CFAP92: variants seen among roughly 807,000 people sequenced by gnomAD.
The protein encoded by CFAP92 is uncharacterized protein CFAP92.
Under a neutral mutation model 106.3 loss-of-function variants are expected in CFAP92, and 86 were observed. The ratio of observed to expected loss-of-function variants is 0.81; its 90% confidence interval spans 0.68 to 0.97. The LOEUF is 0.97. Ranked by LOEUF, CFAP92 falls within the 50% of genes least tolerant of loss-of-function variation. CFAP92 has a pLI of 0.00. For missense variants in CFAP92, 1,204 were observed against 1,283.8 expected (o/e 0.94, Z 0.95); for synonymous variants, 477 against 506.4 (o/e 0.94, Z 0.78).
chr3:128,941,162 A>C (rs953441714), intron 10 of CFAP92, among the ~76,000 whole-genome samples: 2 of 152,154 alleles, frequency 1.3e-5, no homozygotes, highest in Non-Finnish European at 2.9e-5. Context: ...TGAATTTCAT[A>C]CATTTTACTT....
intron 9 of CFAP92, among the ~76,000 whole-genome samples, chr3:128,964,874 C>G (rs1325369546): frequency 2.6e-5 from 4 of 152,142 alleles, no homozygotes; most frequent in Non-Finnish European, 4.4e-5. Context: ...CGTTCTCTCT[C>G]CACACCACCC....
intron 7 of CFAP92, among the ~76,000 whole-genome samples, chr3:128,972,046 G>A (rs1470740593): frequency 6.6e-6 from 1 of 152,192 alleles, no homozygotes; most frequent in South Asian, 2.1e-4. Flanking sequence ...ACACATAGGG[G>A]AACCTAACAG....
At chr3:128,956,725 A>AC (rs1941454561) in intron 9 of CFAP92, among the ~76,000 whole-genome samples, 1 of 152,076 alleles carries the variant, frequency 6.6e-6, no homozygotes, top group Non-Finnish European at 1.5e-5. Context: ...CACACCTGTA[A>AC]CCCCAGCACT....
intron 9 of CFAP92, among the ~76,000 whole-genome samples, chr3:128,962,063 C>T (rs1191738799): frequency 6.6e-6 from 1 of 152,196 alleles, no homozygotes; most frequent in Non-Finnish European, 1.5e-5. Context: ...CTGTGCGGGA[C>T]CCCACTGGAA....
At chr3:128,997,596 C>T (rs191557515), upstream of CFAP92, among the ~76,000 whole-genome samples, 234 of 152,282 alleles carry the variant, frequency 1.5e-3, no homozygotes, top group Non-Finnish European at 2.7e-3. Context: ...TTTCACCTAC[C>T]GTTATGTTTC....
intron 3 of CFAP92, 58 bp from the exon 4 acceptor site, chr3:128,987,887 G>T: frequency 6.9e-7 from 1 of 1,455,442 alleles, no homozygotes; most frequent in South Asian, 1.2e-5. Flanking sequence ...AGGCCGTGGC[G>T]AACAGAGCAA....
Position 128,945,539 on chromosome 3 carries a change from C to A in CFAP92, c.1790G>T (p.Gly597Val). 2 of 1,536,168 alleles carry A rather than the reference C, an allele frequency of 1.3e-6. No individual in the cohort carries two copies. The highest frequency in any genetic ancestry group is 1.7e-6 in the Non-Finnish European group (2 of 1,146,928). The change falls in exon 10 of 16, where the codon GGC (glycine) becomes GTC (valine). Residue 597 changes from glycine (G) to valine (V), a missense_variant. Coordinates refer to ENST00000645291, the MANE Select transcript of CFAP92 (RefSeq NM_001394090.1). The part of the protein sequence containing the change: ...HSCEVQPTHC[G>V]QDSRRRKVVG... ...AACCTTCCTTCTCCTGCTGTCCTGGCCGCAGTGTGTGGGCTGAACCTCACA... is the reference window on the plus strand; with the variant it reads ...AACCTTCCTTCTCCTGCTGTCCTGGACGCAGTGTGTGGGCTGAACCTCACA...
upstream of CFAP92, among the ~76,000 whole-genome samples, chr3:128,998,524 C>T (rs937353826): frequency 6.6e-6 from 1 of 152,132 alleles, no homozygotes. Flanking sequence ...GATAGAACAA[C>T]ACAAGTTTCC....
upstream of CFAP92, among the ~76,000 whole-genome samples, chr3:128,998,384 T>C (rs1200977542): frequency 6.6e-6 from 1 of 152,206 alleles, no homozygotes; most frequent in Non-Finnish European, 1.5e-5. Context: ...AACAGGCCTA[T>C]TTTTAATAGA....
At chr3:128,939,227 C>G (rs1411875701) in intron 10 of CFAP92, among the ~76,000 whole-genome samples, 3 of 152,082 alleles carry the variant, frequency 2.0e-5, no homozygotes, top group African/African-American at 7.2e-5. Context: ...CAACCTCTGT[C>G]TCCTGGGCTC....
chr3:128,920,913 T>C (rs941001801), intron 12 of CFAP92, among the ~76,000 whole-genome samples: 4 of 152,240 alleles, frequency 2.6e-5, no homozygotes, highest in African/African-American at 7.2e-5. Flanking sequence ...TTTCCCATTA[T>C]CTCAAGTAGC....
intron 15 of CFAP92, 94 bp downstream of exon 15, chr3:128,915,015 GATAGTGTAAA>G: frequency 8.7e-7 from 1 of 1,154,772 alleles, no homozygotes; most frequent in African/African-American, 1.5e-5. Flanking sequence ...AAGTTTGGTT[GATAGTGTAAA>G]CAAAATGGAT....
chr3:128,982,339 A>C (rs1457050551), intron 4 of CFAP92, among the ~76,000 whole-genome samples: 1 of 152,174 alleles, frequency 6.6e-6, no homozygotes, highest in African/African-American at 2.4e-5. Context: ...CTAGCTTCAA[A>C]GTTGTCTTTT....
At chr3:128,997,148 C>T (rs889625741), upstream of CFAP92, among the ~76,000 whole-genome samples, 2 of 152,128 alleles carry the variant, frequency 1.3e-5, no homozygotes, top group African/African-American at 4.8e-5. Context: ...GGTCACTGAA[C>T]AATCCATCCC....
intron 9 of CFAP92, among the ~76,000 whole-genome samples, chr3:128,952,374 G>A (rs887908432): frequency 6.6e-6 from 1 of 151,852 alleles, no homozygotes; most frequent in East Asian, 1.9e-4. Flanking sequence ...TGATTCTCCA[G>A]CACCCAGCTT....
intron 9 of CFAP92, among the ~76,000 whole-genome samples, chr3:128,947,635 A>C (rs750710774): frequency 6.6e-6 from 1 of 152,232 alleles, no homozygotes; most frequent in Non-Finnish European, 1.5e-5. Context: ...AAAAGAAAGA[A>C]ACTTCAACGT....
chr3:128,961,322 C>A (rs1037892599), intron 9 of CFAP92, among the ~76,000 whole-genome samples: 3 of 152,112 alleles, frequency 2.0e-5, no homozygotes, highest in Admixed American at 6.5e-5. Flanking sequence ...TCCCGCCTGT[C>A]CCCTCAGTCC....
intron 15 of CFAP92, among the ~76,000 whole-genome samples, chr3:128,910,558 C>T (rs1936171355): frequency 6.6e-6 from 1 of 152,194 alleles, no homozygotes; most frequent in African/African-American, 2.4e-5. Flanking sequence ...TGTTGAGTCA[C>T]TTGCTGTTGG....
At chr3:128,961,571 G>A (rs1358673824) in intron 9 of CFAP92, among the ~76,000 whole-genome samples, 1 of 152,134 alleles carries the variant, frequency 6.6e-6, no homozygotes, top group East Asian at 1.9e-4. Context: ...GGAGCTGAAG[G>A]CATAGTCAAG....
Sources: allele counts gnomAD v4.1 joint callset (sites outside exome capture counted in the v4.1 genomes callset), GRCh38; gene constraint gnomAD v4.1.1; transcripts MANE v1.5; gene names NCBI Gene and HGNC (gene_info 2026-07-23, HGNC 2026-07-21).